PRKAR2B: variants seen among roughly 807,000 people sequenced by gnomAD.
The protein encoded by PRKAR2B is cAMP-dependent protein kinase type II-beta regulatory subunit.
PRKAR2B carries 14 observed loss-of-function variants against 49.9 expected under a neutral mutation model. That is an observed-to-expected ratio of 0.28 (90% CI 0.19 to 0.44). PRKAR2B has a LOEUF of 0.44. PRKAR2B is among the 20% of genes least tolerant of loss of function. The pLI, the probability that PRKAR2B is intolerant of heterozygous loss-of-function variation, is 1.00. For synonymous variants in PRKAR2B, 196 were observed against 197.7 expected (o/e 0.99, Z 0.07); for missense variants, 393 against 537.9 (o/e 0.73, Z 2.67).
At chr7:107,070,407 G>T in intron 2 of PRKAR2B, 91 bp downstream of exon 2, 3 of 1,120,944 alleles carry the variant, frequency 2.7e-6, no homozygotes, top group African/African-American at 1.6e-5. Flanking sequence ...AATAATTGCT[G>T]TATAGTAAAC....
At chr7:107,134,044 G>GT (rs1404916131) in intron 4 of PRKAR2B, among the ~76,000 whole-genome samples, 1 of 151,822 alleles carries the variant, frequency 6.6e-6, no homozygotes, top group East Asian at 1.9e-4. Context: ...TGTTGTTGTT[G>GT]TTTTTTGAGA....
chr7:107,150,091 GTTTA>G lies in PRKAR2B; in HGVS notation c.742-828_742-825del, dbSNP rs539736915. Among the ~76,000 whole-genome samples, 3 of 152,036 alleles carry G rather than the reference GTTTA, an allele frequency of 2.0e-5. No individual in the cohort carries two copies. In the South Asian group the frequency reaches 6.2e-4, roughly 31 times the overall value. On this transcript the variant is annotated intron_variant, in intron 6 of 10. Transcript: ENST00000265717. ...TTTACTTTATTAAAATGGTATAATT[GTTTA>G]TTAATGAATGCCAATCTAACATAAT...
chr7:107,081,432 C>G (rs1336580421), intron 2 of PRKAR2B, among the ~76,000 whole-genome samples: 1 of 149,874 alleles, frequency 6.7e-6, no homozygotes, highest in African/African-American at 2.5e-5. Context: ...CATCTTGACC[C>G]AGCTACTTCT....
intron 5 of PRKAR2B, among the ~76,000 whole-genome samples, chr7:107,144,462 T>C (rs1024930579): frequency 6.6e-6 from 1 of 152,076 alleles, no homozygotes; most frequent in African/African-American, 2.4e-5. Context: ...TCCTTTTCTT[T>C]CTTTTTTGGA....
chr7:107,133,099 A>G (rs1174886199), intron 4 of PRKAR2B, among the ~76,000 whole-genome samples: 1 of 152,180 alleles, frequency 6.6e-6, no homozygotes, highest in Non-Finnish European at 1.5e-5. Flanking sequence ...GGCATTCTGT[A>G]GGAGAATTAG....
intron 5 of PRKAR2B, among the ~76,000 whole-genome samples, chr7:107,145,733 ATTTTT>A (rs916332834): frequency 1.1e-5 from 1 of 93,438 alleles, no homozygotes. Flanking sequence ...TCTTCAGATG[ATTTTT>A]TTTTTTTTTT....
intron 2 of PRKAR2B, among the ~76,000 whole-genome samples, chr7:107,100,774 C>T (rs191930076): frequency 9.9e-4 from 150 of 150,948 alleles, no homozygotes; most frequent in Middle Eastern, 3.5e-3. Context: ...TTGAGCCCAC[C>T]TAATGAGTTT....
chr7:107,074,326 A>G (rs1284257966), intron 2 of PRKAR2B, among the ~76,000 whole-genome samples: 1 of 151,440 alleles, frequency 6.6e-6, no homozygotes, highest in African/African-American at 2.4e-5. Flanking sequence ...CTGGTCTCCA[A>G]CTCCTGACCT....
intron 2 of PRKAR2B, among the ~76,000 whole-genome samples, chr7:107,104,817 C>T (rs1164720832): frequency 6.6e-6 from 1 of 152,140 alleles, no homozygotes; most frequent in African/African-American, 2.4e-5. Context: ...CCCCTTAAGT[C>T]TAATACCACG....
chr7:107,160,984 G>C lies in PRKAR2B; in HGVS notation c.*1402G>C, dbSNP rs1224361091. On this transcript the variant is annotated 3_prime_UTR_variant, in exon 11 of 11. Transcript: ENST00000265717. Reference sequence around the variant, plus strand: ...GCTTTTAAATGAGTGATTTCATTTTGGGAAACAGGTTTCAAATGAATATAT... The same window carrying C: ...GCTTTTAAATGAGTGATTTCATTTTCGGAAACAGGTTTCAAATGAATATAT... 1.3e-5 allele frequency: 2 copies of C among 152,080 alleles called. No homozygotes were observed. The highest frequency in any genetic ancestry group is 2.9e-5 in the Non-Finnish European group (2 of 67,994). 9.4% of individuals were successfully genotyped at this position (152,080 alleles called of 1,614,324 possible).
At chr7:107,070,186 T>C in intron 1 of PRKAR2B, 95 bp from the exon 2 acceptor site, 1 of 820,354 alleles carries the variant, frequency 1.2e-6, no homozygotes, top group African/African-American at 1.7e-5. Flanking sequence ...TTTTCTTTAG[T>C]TAAATTATAA....
chr7:107,080,543 A>T (rs1375553780), intron 2 of PRKAR2B, among the ~76,000 whole-genome samples: 1 of 152,158 alleles, frequency 6.6e-6, no homozygotes, highest in Non-Finnish European at 1.5e-5. Flanking sequence ...GCATGGGGAG[A>T]TGAAATTAGG....
At chr7:107,082,696 T>G (rs1584418327) in intron 2 of PRKAR2B, among the ~76,000 whole-genome samples, 1 of 151,976 alleles carries the variant, frequency 6.6e-6, no homozygotes, top group Non-Finnish European at 1.5e-5. Context: ...CAGGCTCGAG[T>G]GATCCTCCCT....
At chr7:107,082,464 G>A (rs1174738894) in intron 2 of PRKAR2B, among the ~76,000 whole-genome samples, 1 of 151,828 alleles carries the variant, frequency 6.6e-6, no homozygotes, top group Non-Finnish European at 1.5e-5. Context: ...GCTCTTCTTA[G>A]AATAATGAAA....
At chr7:107,053,794 A>G (rs192528665) in intron 1 of PRKAR2B, among the ~76,000 whole-genome samples, 31 of 152,308 alleles carry the variant, frequency 2.0e-4, no homozygotes, top group Middle Eastern at 3.4e-3. Context: ...AGAGAATCGT[A>G]TTATAGTTTT....
rs115325976 is a variant in PRKAR2B at position 107,145,087 on chromosome 7, C to A, written c.588-1221C>A. Among the ~76,000 whole-genome samples, 665 of 152,168 alleles carry A rather than the reference C, an allele frequency of 4.4e-3. 6 individuals carry two copies. The highest frequency in any genetic ancestry group is 0.016 in the African/African-American group (650 of 41,512). On this transcript the variant is annotated intron_variant, in intron 5 of 10. Coordinates refer to ENST00000265717, the MANE Select transcript of PRKAR2B (RefSeq NM_002736.3). The stretch of plus-strand genomic sequence containing the variant: ...AAGCACCAAAAAACTATAAAAAGAC[C>A]AGAGTTAGATATCTAGTCTGAATTT...
intron 2 of PRKAR2B, among the ~76,000 whole-genome samples, chr7:107,098,461 C>T (rs772070818): frequency 4.6e-5 from 7 of 152,198 alleles, no homozygotes; most frequent in Non-Finnish European, 8.8e-5. Context: ...CGAACATCCT[C>T]CTTTAGCTTG....
intron 1 of PRKAR2B, among the ~76,000 whole-genome samples, chr7:107,048,723 A>C (rs1188401201): frequency 6.6e-6 from 1 of 152,142 alleles, no homozygotes; most frequent in African/African-American, 2.4e-5. Context: ...CAGATGGGTG[A>C]AGGTCATCTT....
At chr7:107,141,449 G>A (rs1795788048) in intron 5 of PRKAR2B, among the ~76,000 whole-genome samples, 1 of 152,186 alleles carries the variant, frequency 6.6e-6, no homozygotes, top group African/African-American at 2.4e-5. Context: ...TCAGCACTTT[G>A]GGAAGCCGAG....
Sources: allele counts gnomAD v4.1 joint callset (sites outside exome capture counted in the v4.1 genomes callset), GRCh38; gene constraint gnomAD v4.1.1; transcripts MANE v1.5; gene names NCBI Gene and HGNC (gene_info 2026-07-23, HGNC 2026-07-21).